The following STK33 variants were observed in gnomAD, a reference collection of about 807,000 sequenced individuals.
STK33 encodes serine/threonine kinase 33, also known as serine/threonine-protein kinase 33.
Under a neutral mutation model 58.0 loss-of-function variants are expected in STK33, and 52 were observed. The ratio of observed to expected loss-of-function variants is 0.90; its 90% CI spans 0.72 to 1.13. The LOEUF (loss-of-function observed/expected upper bound fraction) is 1.13. Ranked by LOEUF, STK33 falls within the 50% of genes most tolerant of loss-of-function variation. The probability of loss-of-function intolerance (pLI) is 0.00; values close to 1 mark genes in which losing one functional copy is unlikely to be tolerated. For missense variants in STK33, 630 were observed against 604.2 expected (o/e 1.04, Z -0.45); for synonymous variants, 215 against 200.1 (o/e 1.07, Z -0.63).
chr11:8,376,494 A>C, the STK33 span, among the ~76,000 whole-genome samples: 1 of 151,896 alleles, frequency 6.6e-6, no homozygotes, highest in Non-Finnish European at 1.5e-5. Flanking sequence ...TGATCTCTGC[A>C]AGTGGAGAGG....
At chr11:8,395,157 C>A (rs865969169) in intron 15 of STK33, among the ~76,000 whole-genome samples, 3 of 152,128 alleles carry the variant, frequency 2.0e-5, no homozygotes, top group Non-Finnish European at 4.4e-5. Context: ...TTCATTGATG[C>A]GGTTTGGCTG....
intron 1 of STK33, among the ~76,000 whole-genome samples, chr11:8,588,096 C>T (rs142686939): frequency 2.2e-4 from 34 of 152,274 alleles, no homozygotes; most frequent in African/African-American, 8.2e-4. Context: ...AGAGCACTCT[C>T]ATCTTTCCAT....
intron 1 of STK33, among the ~76,000 whole-genome samples, chr11:8,548,582 A>G (rs1239458823): frequency 2.6e-5 from 4 of 152,176 alleles, no homozygotes; most frequent in Non-Finnish European, 5.9e-5. Context: ...AATTCTTTTG[A>G]CTATTCAGAG....
chr11:8,358,122 C>T, the STK33 span, among the ~76,000 whole-genome samples: 3 of 152,234 alleles, frequency 2.0e-5, no homozygotes, highest in Admixed American at 1.3e-4. Flanking sequence ...TATGACACAG[C>T]TGCCACTGGG....
chr11:8,543,358 C>T (rs1002532245), intron 1 of STK33, among the ~76,000 whole-genome samples: 1 of 152,076 alleles, frequency 6.6e-6, no homozygotes, highest in African/African-American at 2.4e-5. Context: ...GATAAACCAA[C>T]GTATTTCAAA....
At chr11:8,428,965 T>C (rs1237389182) in intron 14 of STK33, among the ~76,000 whole-genome samples, 2 of 152,074 alleles carry the variant, frequency 1.3e-5, no homozygotes, top group African/African-American at 2.4e-5. Flanking sequence ...AATTTAAATA[T>C]AAATTTGAAC....
At chr11:8,469,181 T>C (rs1948532784) in intron 6 of STK33, among the ~76,000 whole-genome samples, 2 of 152,220 alleles carry the variant, frequency 1.3e-5, no homozygotes, top group Admixed American at 1.3e-4. Flanking sequence ...TGCTGTTTGA[T>C]AGCATTTTAC....
rs1328652394 is a variant in STK33, at chr11:8,438,960, C to T, written c.947+1718G>A. On this transcript the variant is annotated intron_variant, in intron 12 of 15. Transcript: ENST00000687296. ...ACCAGCTGAGTTACAGCTACAATCA[C>T]ATCATCCAATTTCTACTGCCTGTAT... is the stretch of plus-strand genomic sequence containing the variant. 2.0e-5 allele frequency among the ~76,000 whole-genome samples: 3 copies of T among 152,158 alleles called. No homozygotes were observed. The East Asian group carries it at 5.8e-4, about 29-fold the overall frequency.
chr11:8,556,652 A>G (rs1956762565), intron 1 of STK33, among the ~76,000 whole-genome samples: 1 of 152,130 alleles, frequency 6.6e-6, no homozygotes, highest in African/African-American at 2.4e-5. Flanking sequence ...TTCTCTTTCA[A>G]AGGAACTTGT....
chr11:8,336,119 T>C, the STK33 span, among the ~76,000 whole-genome samples: 2 of 152,242 alleles, frequency 1.3e-5, no homozygotes, highest in East Asian at 3.8e-4. Context: ...GGGCTGGTGC[T>C]TGAGGCTGGC....
intron 1 of STK33, among the ~76,000 whole-genome samples, chr11:8,490,918 C>A (rs1263805030): frequency 1.3e-5 from 2 of 152,104 alleles, no homozygotes; most frequent in East Asian, 3.9e-4. Context: ...GATATCCACA[C>A]CAAAACCCCA....
the STK33 span, among the ~76,000 whole-genome samples, chr11:8,374,268 T>C: frequency 6.6e-6 from 1 of 152,256 alleles, no homozygotes; most frequent in East Asian, 1.9e-4. Flanking sequence ...GGCCCCTCCC[T>C]AGCTCCCACC....
chr11:8,464,635 T>TA, intron 7 of STK33, 74 bp downstream of exon 7: 1 of 1,038,004 alleles, frequency 9.6e-7, no homozygotes, highest in Non-Finnish European at 1.4e-6. Context: ...TGTGTTAGTG[T>TA]AAAAAGCTGT....
At chr11:8,399,187 C>T (rs7942830) in intron 15 of STK33, among the ~76,000 whole-genome samples, 16,122 of 152,194 alleles carry the variant, frequency 0.11, 1,628 homozygotes, top group African/African-American at 0.26. Context: ...CCACACCACA[C>T]CTATTCCAAA....
At chr11:8,374,229 C>T in the STK33 span, among the ~76,000 whole-genome samples, 1 of 152,172 alleles carries the variant, frequency 6.6e-6, no homozygotes, top group African/African-American at 2.4e-5. Flanking sequence ...CAGGGGCTCA[C>T]TCAAGGGCCA....
chr11:8,516,424 GCGTGAGCGACAAAGAA>G (rs1271120477), intron 1 of STK33, among the ~76,000 whole-genome samples: 1 of 152,236 alleles, frequency 6.6e-6, no homozygotes, highest in Non-Finnish European at 1.5e-5. Context: ...GCAGCTCCCA[GCGTGAGCGACAAAGAA>G]GATGGGTGAT....
intron 1 of STK33, among the ~76,000 whole-genome samples, chr11:8,542,660 C>T (rs765174485): frequency 1.5e-4 from 23 of 152,110 alleles, no homozygotes; most frequent in Non-Finnish European, 2.8e-4. Context: ...ATCAAATATG[C>T]TTGGATGATG....
chr11:8,413,375 T>C lies in STK33; in HGVS notation c.1344+120A>G, dbSNP rs1222007504. 4 of 1,044,844 alleles carry C rather than the reference T, an allele frequency of 3.8e-6. No individual in the cohort carries two copies. The East Asian group carries it at 9.5e-5, about 25-fold the overall frequency. 64.7% of individuals were successfully genotyped at this position (1,044,844 alleles called of 1,614,324 possible). A position where few individuals can be genotyped will look rare whatever the true frequency, so the allele number is the denominator to read the frequency against. On this transcript the variant is annotated intron_variant, in intron 15 of 15. Transcript: ENST00000687296. The stretch of plus-strand genomic sequence containing the variant: ...ATAAGGCAGAAAGAACTTTACTTGC[T>C]ATATAACGCTCGGCCTTTGTTACAA...
At chr11:8,538,192 A>G (rs986936807) in intron 1 of STK33, among the ~76,000 whole-genome samples, 1 of 152,250 alleles carries the variant, frequency 6.6e-6, no homozygotes, top group African/African-American at 2.4e-5. Flanking sequence ...TATCAAAAAA[A>G]AAAAAGAGTA....
Sources: gnomAD v4.1 joint callset for allele counts (sites outside exome capture counted in the v4.1 genomes callset) on GRCh38, gnomAD v4.1.1 for gene constraint, MANE v1.5 for transcripts, NCBI Gene and HGNC (gene_info 2026-07-23, HGNC 2026-07-21) for gene names.